The following FAR2 variants were observed in gnomAD, a reference collection of about 807,000 sequenced individuals.
FAR2 encodes fatty acyl-CoA reductase 2, also known as epididymis secretory protein Li 81.
A neutral mutation model predicts 56.0 loss-of-function variants in FAR2; 19 were observed. The observed-to-expected ratio is 0.34, with a 90% CI of 0.24 to 0.50. The LOEUF is 0.50. Ranked by LOEUF, FAR2 falls within the 20% of genes least tolerant of loss-of-function variation. The pLI is 0.98. For synonymous variants in FAR2, 219 were observed against 218.8 expected, an observed-to-expected ratio of 1.00 and a Z score of -0.01; for missense variants, 508 against 642.2, an observed-to-expected ratio of 0.79 and a Z score of 2.26.
chr12:29,250,720 T>C (rs1948195041), intron 1 of FAR2, among the ~76,000 whole-genome samples: 1 of 152,216 alleles, frequency 6.6e-6, no homozygotes, highest in African/African-American at 2.4e-5. Flanking sequence ...GCAAGAATTC[T>C]GTTCACTAAA....
chr12:29,221,131 G>C (rs1364756388), intron 1 of FAR2, among the ~76,000 whole-genome samples: 1 of 152,024 alleles, frequency 6.6e-6, no homozygotes, highest in African/African-American at 2.4e-5. Context: ...TTCCTGTAAG[G>C]TCATATACCC....
At chr12:29,317,094 G>C in intron 9 of FAR2, 82 bp downstream of exon 9, 2 of 1,406,302 alleles carry the variant, frequency 1.4e-6, no homozygotes, top group Non-Finnish European at 1.9e-6. Flanking sequence ...TCCTTCAGCC[G>C]AGGATTAAAG....
chr12:29,282,133 CAAAT>C (rs779853364), intron 2 of FAR2: 1 of 152,098 alleles, frequency 6.6e-6, no homozygotes, highest in Non-Finnish European at 1.5e-5. Flanking sequence ...ATATCCTAAC[CAAAT>C]AAAGTATAAA....
chr12:29,185,480 A>T (rs1950032991), intron 1 of FAR2, among the ~76,000 whole-genome samples: 1 of 152,248 alleles, frequency 6.6e-6, no homozygotes, highest in Non-Finnish European at 1.5e-5. Context: ...CTTCATACAA[A>T]CTTAGAACAT....
intron 8 of FAR2, among the ~76,000 whole-genome samples, chr12:29,314,257 C>T (rs1437205108): frequency 6.6e-6 from 1 of 152,144 alleles, no homozygotes; most frequent in African/African-American, 2.4e-5. Flanking sequence ...TTAGCTCATT[C>T]ATTCACTCCT....
rs538351691 is a variant in FAR2 at position 29,325,089 on chromosome 12, G to A, written c.1257+3165G>A. 2.6e-5 allele frequency among the ~76,000 whole-genome samples: 4 copies of A among 151,702 alleles called. No homozygotes were observed. In the South Asian group the frequency reaches 6.3e-4, roughly 24 times the overall value. On this transcript the variant is annotated intron_variant, in intron 10 of 11. Transcript: ENST00000536681. ...GCAAATGGAAAACAAAAAAAGGCAG[G>A]GGTTGCAATCCTAGTCTCTGATAAA...
intron 4 of FAR2, among the ~76,000 whole-genome samples, chr12:29,305,071 T>C (rs892759299): frequency 6.6e-6 from 1 of 152,190 alleles, no homozygotes; most frequent in African/African-American, 2.4e-5. Context: ...GAGCTTCAGA[T>C]GGTCTGTTTG....
chr12:29,301,212 A>C (rs1189075988), intron 4 of FAR2, among the ~76,000 whole-genome samples: 1 of 152,234 alleles, frequency 6.6e-6, no homozygotes, highest in Non-Finnish European at 1.5e-5. Context: ...TCAGGAGTTA[A>C]TGCTTTTAAT....
intron 8 of FAR2, 55 bp from the exon 9 acceptor site, chr12:29,316,786 T>C (rs1459676750): frequency 4.5e-6 from 7 of 1,563,680 alleles, no homozygotes; most frequent in Admixed American, 3.5e-5. Context: ...CTTTCCACTA[T>C]GATGGACTTA....
chr12:29,332,532 C>T, intron 10 of FAR2, 68 bp from the exon 11 acceptor site: 1 of 1,599,128 alleles, frequency 6.3e-7, no homozygotes, highest in Non-Finnish European at 8.5e-7. Flanking sequence ...GTAGAAGAAA[C>T]CTCAAGTGGA....
In FAR2 at chr12:29,179,673, G is replaced by T. The variant is rs538689368; in HGVS notation, c.-39+30266G>T. ...TCTATCTTGTATGATCTAATTTCAG[G>T]AATACTTTTCCTATGATGAGTGGAA... On this transcript the variant is annotated intron_variant, in intron 1 of 11. Transcript: ENST00000536681. 8.3e-4 allele frequency among the ~76,000 whole-genome samples: 126 copies of T among 152,170 alleles called. 1 individual carries two copies. The highest frequency in any genetic ancestry group is 2.9e-3 in the African/African-American group (119 of 41,482).
intron 1 of FAR2, among the ~76,000 whole-genome samples, chr12:29,226,993 A>G (rs1947779106): frequency 6.6e-6 from 1 of 152,216 alleles, no homozygotes; most frequent in Admixed American, 6.5e-5. Context: ...CTTTTAGAAG[A>G]CTTGCTTTAC....
chr12:29,149,594 C>T (rs894548639), intron 1 of FAR2, among the ~76,000 whole-genome samples, 187 bp downstream of exon 1: 2 of 152,218 alleles, frequency 1.3e-5, no homozygotes, highest in East Asian at 1.9e-4. Context: ...GAGGCTCTGC[C>T]CCCTGAAGCT....
At chr12:29,279,259 A>G (rs1289170071) in intron 2 of FAR2, among the ~76,000 whole-genome samples, 1 of 152,240 alleles carries the variant, frequency 6.6e-6, no homozygotes, top group African/African-American at 2.4e-5. Flanking sequence ...GTTGATCCAG[A>G]CCAGGCCAAG....
intron 1 of FAR2, among the ~76,000 whole-genome samples, chr12:29,181,386 G>GAA (rs1949990458): frequency 6.6e-6 from 1 of 152,052 alleles, no homozygotes; most frequent in African/African-American, 2.4e-5. Context: ...TTTTTTAGGA[G>GAA]AACATGTTCT....
intron 1 of FAR2, among the ~76,000 whole-genome samples, chr12:29,237,803 G>A (rs1424742097): frequency 6.6e-6 from 1 of 152,088 alleles, no homozygotes; most frequent in Non-Finnish European, 1.5e-5. Context: ...TTAGAGTTTT[G>A]GAGGACTTCA....
chr12:29,150,780 T>C (rs1467860254), intron 1 of FAR2, among the ~76,000 whole-genome samples: 2 of 152,220 alleles, frequency 1.3e-5, no homozygotes, highest in Non-Finnish European at 2.9e-5. Context: ...TTTTCCTAAT[T>C]CTGAGGGCTG....
chr12:29,154,686 A>ATC (rs1949712284), intron 1 of FAR2, among the ~76,000 whole-genome samples: 1 of 152,068 alleles, frequency 6.6e-6, no homozygotes, highest in African/African-American at 2.4e-5. Flanking sequence ...GCCTGCCTCA[A>ATC]AGTGCTGGGA....
intron 10 of FAR2, among the ~76,000 whole-genome samples, chr12:29,322,300 T>G (rs1339336128): frequency 6.6e-6 from 1 of 152,196 alleles, no homozygotes; most frequent in East Asian, 1.9e-4. Flanking sequence ...AAATAATGAT[T>G]TTATTGCTTA....
Sources: allele counts gnomAD v4.1 joint callset (sites outside exome capture counted in the v4.1 genomes callset), GRCh38; gene constraint gnomAD v4.1.1; transcripts MANE v1.5; gene names NCBI Gene and HGNC (gene_info 2026-07-23, HGNC 2026-07-21).